The following MPP7 variants were observed in gnomAD, a reference collection of about 807,000 sequenced individuals.
The protein encoded by MPP7 is MAGUK p55 subfamily member 7.
MPP7 carries 60 observed loss-of-function variants against 76.5 expected under a neutral mutation model. That is an observed-to-expected ratio of 0.78 (90% CI 0.64 to 0.97). The LOEUF (loss-of-function observed/expected upper bound fraction) is 0.97, where lower values mean the gene tolerates loss of function less well. Ranked by LOEUF, MPP7 falls within the 50% of genes least tolerant of loss-of-function variation. MPP7 has a pLI of 0.00. For synonymous variants in MPP7, 237 were observed against 244.5 expected, an observed-to-expected ratio of 0.97 and a Z score of 0.29; for missense variants, 641 against 694.0, an observed-to-expected ratio of 0.92 and a Z score of 0.86.
intron 2 of MPP7, among the ~76,000 whole-genome samples, chr10:28,221,788 A>AT (rs1236330910): frequency 3.9e-5 from 6 of 152,176 alleles, no homozygotes; most frequent in African/African-American, 1.4e-4. Context: ...CCTGGGCAAT[A>AT]TTTTTAAAAT....
intron 12 of MPP7, among the ~76,000 whole-genome samples, chr10:28,073,273 T>C (rs552568454): frequency 4.5e-4 from 68 of 152,218 alleles, no homozygotes; most frequent in African/African-American, 1.6e-3. Flanking sequence ...TGCTTCCCCA[T>C]TGCCACTGCT....
At chr10:28,226,371 T>A (rs1045290364) in intron 2 of MPP7, among the ~76,000 whole-genome samples, 3 of 152,052 alleles carry the variant, frequency 2.0e-5, no homozygotes, top group African/African-American at 7.2e-5. Flanking sequence ...CTCAGCCTCC[T>A]GAGTAGCTGG....
At chr10:28,322,229 T>A (rs1834375267) in intron 2 of MPP7, among the ~76,000 whole-genome samples, 1 of 151,920 alleles carries the variant, frequency 6.6e-6, no homozygotes, top group Middle Eastern at 3.2e-3. Context: ...CAGGTGGAGA[T>A]GGTGTGGTGC....
At chr10:28,262,222 T>C (rs867639529) in intron 1 of MPP7, among the ~76,000 whole-genome samples, 2 of 27,620 alleles carry the variant, frequency 7.2e-5, no homozygotes, top group Admixed American at 4.3e-4. Context: ...TATATATATA[T>C]ATACATATAT....
At chr10:28,267,021 A>T (rs527640151) in intron 1 of MPP7, among the ~76,000 whole-genome samples, 4 of 152,386 alleles carry the variant, frequency 2.6e-5, no homozygotes, top group Admixed American at 2.6e-4. Context: ...GAGCTAAGGT[A>T]TGCCGTGTGC....
intron 1 of MPP7, among the ~76,000 whole-genome samples, chr10:28,263,043 G>C (rs575866173): frequency 6.6e-6 from 1 of 152,204 alleles, no homozygotes; most frequent in African/African-American, 2.4e-5. Flanking sequence ...GCAACAGAGC[G>C]AGACTCCGTT....
intron 1 of MPP7, among the ~76,000 whole-genome samples, chr10:28,288,248 T>C (rs1464274450): frequency 6.6e-6 from 1 of 152,200 alleles, no homozygotes; most frequent in Admixed American, 6.5e-5. Flanking sequence ...TTTTGATTTT[T>C]AGTTTTTATG....
chr10:28,300,935 G>A (rs1244130507), intron 1 of MPP7, among the ~76,000 whole-genome samples: 2 of 148,344 alleles, frequency 1.3e-5, no homozygotes, highest in African/African-American at 5.0e-5. Flanking sequence ...ACAACAGAGT[G>A]AGACTCCACC....
intron 2 of MPP7, among the ~76,000 whole-genome samples, chr10:28,235,524 G>A (rs1235099767): frequency 7.2e-5 from 11 of 152,108 alleles, no homozygotes; most frequent in Non-Finnish European, 1.5e-4. Context: ...AATATACATG[G>A]AAAGGACAGA....
chr10:28,170,530 C>T (rs1312331163), intron 3 of MPP7, among the ~76,000 whole-genome samples: 1 of 151,562 alleles, frequency 6.6e-6, no homozygotes. Context: ...TAGACTCTCT[C>T]ATTCTAACTT....
chr10:28,176,743 A>AT (rs1836873736), intron 3 of MPP7, among the ~76,000 whole-genome samples: 1 of 151,928 alleles, frequency 6.6e-6, no homozygotes. Flanking sequence ...TCTAAAAAAA[A>AT]AGAAACCATC....
chr10:28,084,893 C>T (rs976490997), intron 12 of MPP7, among the ~76,000 whole-genome samples: 1 of 152,056 alleles, frequency 6.6e-6, no homozygotes, highest in African/African-American at 2.4e-5. Flanking sequence ...GCAGAATTAG[C>T]GTGTAGGAAA....
chr10:28,059,681 G>T lies in MPP7; in HGVS notation c.1267C>A (p.His423Asn), dbSNP rs774716558. The change falls in exon 14 of 17, where the codon CAT becomes AAT. Residue 423 changes from histidine (H) to asparagine (N), a missense_variant. His to Asn is a moderately conservative substitution (Grantham distance 68, BLOSUM62 1). Transcript: ENST00000683449. ...DGVEYIFISK[H>N]LFETDVQNNK... ...TTTTGTACATCTGTCTCAAACAAAT[G>T]CTTGGAAATGAAAATGTATTCAACA... The T allele has an allele frequency of 2.5e-6, 4 of 1,613,126 alleles. No individual in the cohort carries two copies. Among genetic ancestry groups the T allele is most frequent in the Middle Eastern group, 1.6e-4 (1 of 6,076 alleles).
At chr10:28,324,487 G>A (rs1170506912) in intron 2 of MPP7, among the ~76,000 whole-genome samples, 1 of 152,092 alleles carries the variant, frequency 6.6e-6, no homozygotes, top group East Asian at 1.9e-4. Flanking sequence ...GTCACTCAAG[G>A]GTTCTTTAAT....
chr10:28,128,119 G>C (rs1208004696), intron 6 of MPP7, among the ~76,000 whole-genome samples: 2 of 152,144 alleles, frequency 1.3e-5, no homozygotes, highest in Admixed American at 6.5e-5. Context: ...CTGAATGAAA[G>C]AGGGAACATG....
rs574229323 is a variant in MPP7 at position 28,257,443 on chromosome 10, T to C, written c.-131-18708A>G. On this transcript the variant is annotated intron_variant, in intron 1 of 16. Coordinates refer to ENST00000683449, the MANE Select transcript of MPP7 (RefSeq NM_001318170.2). Reference sequence around the variant, plus strand: ...AAATAAAGCTTGTTCATGTCCTTTGTAGGGACATGGATGAAATTGGAAATC... The same window carrying C: ...AAATAAAGCTTGTTCATGTCCTTTGCAGGGACATGGATGAAATTGGAAATC... Among the ~76,000 whole-genome samples, 3 of 151,938 alleles carry C rather than the reference T, an allele frequency of 2.0e-5. No homozygotes were observed. The East Asian group carries it at 5.8e-4, about 30-fold the overall frequency.
chr10:28,261,629 C>T (rs759130740), intron 1 of MPP7, among the ~76,000 whole-genome samples: 1 of 152,044 alleles, frequency 6.6e-6, no homozygotes, highest in Non-Finnish European at 1.5e-5. Context: ...TCAGACACAC[C>T]CCAATGACAA....
intron 11 of MPP7, among the ~76,000 whole-genome samples, chr10:28,095,194 C>CATATATATATAT (rs10528025): frequency 0.03 from 3,857 of 130,042 alleles, 91 homozygotes; most frequent in East Asian, 0.098. Context: ...CACACATATG[C>CATATATATATAT]ATATATATAT....
chr10:28,148,068 G>A (rs1835766897), intron 4 of MPP7, among the ~76,000 whole-genome samples: 3 of 152,086 alleles, frequency 2.0e-5, no homozygotes, highest in Admixed American at 2.0e-4. Flanking sequence ...TAGAGCAAAT[G>A]GCCTGAAACT....
Sources: allele counts gnomAD v4.1 joint callset (sites outside exome capture counted in the v4.1 genomes callset), GRCh38; gene constraint gnomAD v4.1.1; transcripts MANE v1.5; gene names NCBI Gene and HGNC (gene_info 2026-07-23, HGNC 2026-07-21).